The following ENTPD4 variants were observed in gnomAD, a reference collection of about 807,000 sequenced individuals.
ENTPD4 encodes the protein ectonucleoside triphosphate diphosphohydrolase 4, also known as Golgi UDPase.
Under a neutral mutation model 79.1 loss-of-function variants are expected in ENTPD4, and 60 were observed. That is an observed-to-expected ratio of 0.76 (90% CI 0.62 to 0.94). The LOEUF (loss-of-function observed/expected upper bound fraction) is 0.94. Among genes scored for constraint, ENTPD4 ranks in the 40% least tolerant of loss-of-function variants. The pLI, the probability that ENTPD4 is intolerant of heterozygous loss-of-function variation, is 0.00. For synonymous variants in ENTPD4, 276 were observed against 292.0 expected (o/e 0.95, Z 0.56); for missense variants, 772 against 775.1 (o/e 1.00, Z 0.05).
intron 1 of ENTPD4, among the ~76,000 whole-genome samples, chr8:23,451,997 C>T (rs1800870727): frequency 6.6e-6 from 1 of 152,186 alleles, no homozygotes; most frequent in Admixed American, 6.5e-5. Flanking sequence ...CAAATACTAA[C>T]TTCATTCCCC....
At chr8:23,441,427 G>C (rs2117288048) in intron 8 of ENTPD4, 142 bp downstream of exon 8, 1 of 1,471,348 alleles carries the variant, frequency 6.8e-7, no homozygotes, top group Non-Finnish European at 9.0e-7. Flanking sequence ...TGTTCGTCCT[G>C]TCTCCTTTCT....
rs981792015 is a variant in ENTPD4, at chr8:23,447,834, A to C, written c.258T>G (p.Asn86Lys). The C allele has an allele frequency of 1.9e-6, 3 of 1,614,218 alleles. No individual in the cohort carries two copies. The highest frequency in any genetic ancestry group is 1.7e-6 in the Non-Finnish European group (2 of 1,180,016). The change falls in exon 4 of 13, where the codon AAT (asparagine) becomes AAG (lysine). Residue 86 changes from asparagine (N) to lysine (K), a missense_variant. Asn to Lys is a moderately conservative substitution (Grantham distance 94). Transcript: ENST00000358689. ...AGTCCACCACGATCCCATAGTTCAC[A>C]TTGGGGTTATTGGTGTCTGTAGCTT... is the stretch of plus-strand genomic sequence containing the variant. The part of the protein sequence containing the change: ...DIEATDTNNP[N>K]VNYGIVVDCG...
At chr8:23,448,183 C>T (rs565927876) in intron 3 of ENTPD4, among the ~76,000 whole-genome samples, 10 of 152,260 alleles carry the variant, frequency 6.6e-5, no homozygotes, top group South Asian at 2.1e-4. Context: ...TTACACGAGA[C>T]GCTTATGTAT....
intron 9 of ENTPD4, among the ~76,000 whole-genome samples, chr8:23,439,444 G>A (rs1800629295): frequency 6.6e-6 from 1 of 152,160 alleles, no homozygotes; most frequent in South Asian, 2.1e-4. Context: ...TCTGAATCAT[G>A]AATAGCACCA....
intron 1 of ENTPD4, among the ~76,000 whole-genome samples, chr8:23,455,551 T>G (rs1006869147): frequency 5.3e-5 from 8 of 152,264 alleles, no homozygotes; most frequent in African/African-American, 1.7e-4. Flanking sequence ...ATTTATGATC[T>G]GTATGTTCAA....
intron 10 of ENTPD4, among the ~76,000 whole-genome samples, chr8:23,436,128 G>A (rs1024654184): frequency 2.6e-5 from 4 of 152,178 alleles, no homozygotes; most frequent in Non-Finnish European, 5.9e-5. Context: ...AGGCACTTCA[G>A]GAACATGGAC....
In ENTPD4 at chr8:23,442,047, G is replaced by A; in HGVS notation, c.687C>T (p.Gly229=). The A allele has an allele frequency of 6.2e-7, 1 of 1,613,338 alleles. No individual in the cohort carries two copies. The highest frequency in any genetic ancestry group is 1.1e-5 in the South Asian group (1 of 91,060). The part of the protein sequence containing the change: ...GKQEGVYAWI[G]INFVLGRFEH... ...CAAATCGTCCAAGGACAAAATTAAT[G>A]CCAATCCAAGCATACACACCTATAG... Residue 229 remains glycine, a synonymous_variant, in exon 7 of 13, where the codon GGC becomes GGT. Coordinates refer to ENST00000358689, the MANE Select transcript of ENTPD4 (RefSeq NM_004901.5).
chr8:23,434,511 T>G, intron 11 of ENTPD4, 33 bp from the exon 12 acceptor site: 1 of 1,610,736 alleles, frequency 6.2e-7, no homozygotes, highest in Non-Finnish European at 8.5e-7. Flanking sequence ...CAAGTCAGAC[T>G]GACTCACTCT....
chr8:23,438,642 C>T (rs548286260), intron 9 of ENTPD4, among the ~76,000 whole-genome samples: 39 of 152,124 alleles, frequency 2.6e-4, no homozygotes, highest in African/African-American at 5.5e-4. Flanking sequence ...ATTAAGGTTT[C>T]GGAAAAAATA....
chr8:23,449,530 T>C (rs1800822732), intron 2 of ENTPD4, among the ~76,000 whole-genome samples: 1 of 152,010 alleles, frequency 6.6e-6, no homozygotes, highest in African/African-American at 2.4e-5. Context: ...AATAAATGAG[T>C]TTTCTATGTC....
chr8:23,432,971 C>CCAGAGGG lies in ENTPD4; in HGVS notation c.1799_1805dup (p.Trp602CysfsTer83), dbSNP rs1800484200. On this transcript the variant is annotated frameshift_variant, in exon 13 of 13. Coordinates refer to ENST00000358689, the MANE Select transcript of ENTPD4 (RefSeq NM_004901.5). LOFTEE classifies it high-confidence loss of function. Reference sequence around the variant, plus strand: ...TCTGGGCGGGAAGGCCCTCCTCCATCCAGAGGGCGGCGGCCGAGCTGCTCC... The same window carrying CCAGAGGG: ...TCTGGGCGGGAAGGCCCTCCTCCATCCAGAGGGCAGAGGGCGGCGGCCGAGCTGCTCC... The CCAGAGGG allele has an allele frequency of 1.9e-6, 3 of 1,613,056 alleles. No individual in the cohort carries two copies. Among genetic ancestry groups the CCAGAGGG allele is most frequent in the Non-Finnish European group, 2.5e-6 (3 of 1,179,516 alleles).
At position 23,442,053 on chromosome 8, in the gene ENTPD4, C is replaced by T. The variant is rs1311958590; in HGVS notation, c.681G>A (p.Trp227Ter). ...GTCCAAGGACAAAATTAATGCCAAT[C>T]CAAGCATACACACCTATAGACATTT... ...ISGKQEGVYA[W>*]IGINFVLGRF... Residue 227 changes from tryptophan to a stop codon, truncating the protein, a stop_gained, in exon 7 of 13, where the codon TGG becomes TGA. Transcript: ENST00000358689. LOFTEE classifies it high-confidence loss of function. The T allele has an allele frequency of 1.9e-6, 3 of 1,613,302 alleles. No homozygotes were observed. The highest frequency in any genetic ancestry group is 3.3e-5 in the Admixed American group (2 of 60,022).
chr8:23,439,772 A>C lies in ENTPD4; in HGVS notation c.1026T>G (p.Phe342Leu). Residue 342 changes from phenylalanine (F) to leucine (L), a missense_variant, in exon 9 of 13, where the codon TTT becomes TTG. Phe to Leu is a conservative substitution (Grantham distance 22). Coordinates refer to ENST00000358689, the MANE Select transcript of ENTPD4 (RefSeq NM_004901.5). ...ACCTGTTCTTTTGAATGGTGTTGGC[A>C]AATATTCTGTCTTCGTATCTCTGTC... The part of the protein sequence containing the change: ...AARQRYEDRI[F>L]ANTIQKNRLL... The C allele has an allele frequency of 6.2e-7, 1 of 1,614,156 alleles. No individual in the cohort carries two copies. The highest frequency in any genetic ancestry group is 8.5e-7 in the Non-Finnish European group (1 of 1,180,004).
At chr8:23,455,920 C>A (rs1800949570) in intron 1 of ENTPD4, among the ~76,000 whole-genome samples, 2 of 152,178 alleles carry the variant, frequency 1.3e-5, no homozygotes, top group Admixed American at 1.3e-4. Context: ...ATTCTCCAAG[C>A]CAGTCGATTC....
chr8:23,448,705 G>A (rs191257638), intron 3 of ENTPD4, 37 bp downstream of exon 3: 69 of 1,547,552 alleles, frequency 4.5e-5, no homozygotes, highest in Non-Finnish European at 5.9e-5. Flanking sequence ...AGAAGGTAAG[G>A]CTTCTGGTCT....
rs968975197 is a variant in ENTPD4 at position 23,457,635 on chromosome 8, G to A, written c.-176C>T. On this transcript the variant is annotated 5_prime_UTR_variant, in exon 1 of 13. Transcript: ENST00000358689. ...ACGGCCAGCCGGCTTCCTGGAGGCC[G>A]CGCTCCTTTCCTGGAGCCGCACCCC... is the stretch of plus-strand genomic sequence containing the variant. 3 of 151,820 alleles carry A rather than the reference G, an allele frequency of 2.0e-5. No individual in the cohort carries two copies. The highest frequency in any genetic ancestry group is 6.6e-5 in the Admixed American group (1 of 15,228). 9.4% of individuals were successfully genotyped at this position (151,820 alleles called of 1,614,324 possible). A position where few individuals can be genotyped will look rare whatever the true frequency, so the allele number is the denominator to read the frequency against.
At position 23,430,949 on chromosome 8, in the gene ENTPD4, C is replaced by G; in HGVS notation, c.*1977G>C. 2 of 985,408 alleles carry G rather than the reference C, an allele frequency of 2.0e-6. No homozygotes were observed. The highest frequency in any genetic ancestry group is 2.4e-6 in the Non-Finnish European group (2 of 829,932). 61.0% of individuals were successfully genotyped at this position (985,408 alleles called of 1,614,324 possible). The stretch of plus-strand genomic sequence containing the variant: ...TCTTAACAACTTTGACCACGAAGCG[C>G]AAATACGATGCAGGTAAATCCAGAG... On this transcript the variant is annotated 3_prime_UTR_variant, in exon 13 of 13. Coordinates refer to ENST00000358689, the MANE Select transcript of ENTPD4 (RefSeq NM_004901.5).
chr8:23,432,029 A>C lies in ENTPD4; in HGVS notation c.*897T>G. On this transcript the variant is annotated 3_prime_UTR_variant, in exon 13 of 13. Transcript: ENST00000358689. ...TGGGATTTTTCACACACTCGCACAA[A>C]GCTGTAGTCGATAGTTCACTATCAC... 2.0e-6 allele frequency: 2 copies of C among 985,376 alleles called. No homozygotes were observed. The highest frequency in any genetic ancestry group is 2.4e-6 in the Non-Finnish European group (2 of 829,932). The allele number at this position is 985,376 out of a possible 1,614,324, so 61.0% of individuals were successfully genotyped here.
In ENTPD4 at chr8:23,449,868, C is replaced by T. The variant is rs766435133; in HGVS notation, c.8+25G>A. 53 of 1,602,020 alleles carry T rather than the reference C, an allele frequency of 3.3e-5. 1 individual carries two copies. In the East Asian group the frequency reaches 8.3e-4, roughly 25 times the overall value. The stretch of plus-strand genomic sequence containing the variant: ...TTTGCATCACCAAGATTTCATGTTT[C>T]ATGGTGATTAGGCCCATCACTTACC... On this transcript the variant is annotated intron_variant, in intron 2 of 12. Transcript: ENST00000358689.
Sources: allele counts gnomAD v4.1 joint callset (sites outside exome capture counted in the v4.1 genomes callset), GRCh38; gene constraint gnomAD v4.1.1; transcripts MANE v1.5; gene names NCBI Gene and HGNC (gene_info 2026-07-23, HGNC 2026-07-21).